Variants in NLRC3 observed in about 807,000 individuals in gnomAD.
The protein encoded by NLRC3 is NLR family CARD domain containing 3.
In NLRC3, 87 loss-of-function variants were observed where a neutral mutation model predicts 91.6. The ratio of observed to expected loss-of-function variants is 0.95; its 90% CI spans 0.80 to 1.14. NLRC3 has a LOEUF of 1.14. NLRC3 is among the 50% of genes most tolerant of loss of function. The probability of loss-of-function intolerance (pLI) is 0.00; values close to 1 mark genes in which losing one functional copy is unlikely to be tolerated. For missense variants in NLRC3, 1,577 were observed against 1,418.6 expected (o/e 1.11, Z -1.79); for synonymous variants, 694 against 625.3 (o/e 1.11, Z -1.64).
At chr16:3,556,127 G>A (rs921459068) in intron 8 of NLRC3, among the ~76,000 whole-genome samples, 24 of 149,374 alleles carry the variant, frequency 1.6e-4, no homozygotes, top group African/African-American at 5.6e-4. Context: ...GCAGGAGCTC[G>A]AGACCAGCCT....
intron 5 of NLRC3, among the ~76,000 whole-genome samples, chr16:3,562,267 C>G (rs1232513889): frequency 6.6e-6 from 1 of 152,184 alleles, no homozygotes; most frequent in Non-Finnish European, 1.5e-5. Context: ...AATGGGGTCA[C>G]TGTGGATGTA....
chr16:3,575,388 G>T (rs1053453479), intron 1 of NLRC3, among the ~76,000 whole-genome samples: 24 of 152,346 alleles, frequency 1.6e-4, no homozygotes, highest in African/African-American at 5.3e-4. Context: ...CGCCACTATG[G>T]ATGGTCAGGC....
chr16:3,571,064 C>T (rs2040081561), intron 1 of NLRC3, among the ~76,000 whole-genome samples: 1 of 151,514 alleles, frequency 6.6e-6, no homozygotes, highest in African/African-American at 2.4e-5. Context: ...ATATAGAGGC[C>T]AGGAACAAAT....
At chr16:3,549,317 G>T in intron 12 of NLRC3, 92 bp from the exon 13 acceptor site, 1 of 908,526 alleles carries the variant, frequency 1.1e-6, no homozygotes, top group Non-Finnish European at 1.8e-6. Flanking sequence ...TGAAGCCCAA[G>T]AAACTGCAGG....
intron 6 of NLRC3, among the ~76,000 whole-genome samples, chr16:3,557,978 C>A (rs1374256558): frequency 6.6e-6 from 1 of 152,210 alleles, no homozygotes; most frequent in African/African-American, 2.4e-5. Context: ...AAATGGAAAT[C>A]TCGGAAGCCT....
intron 2 of NLRC3, among the ~76,000 whole-genome samples, chr16:3,565,929 A>G (rs2039863471): frequency 6.6e-6 from 1 of 151,744 alleles, no homozygotes; most frequent in Non-Finnish European, 1.5e-5. Context: ...AGTCCCAGCT[A>G]CTTGGGAGGC....
chr16:3,542,790 A>C lies in NLRC3; in HGVS notation c.2940-15T>G, dbSNP rs1264640757. On this transcript the variant is annotated splice_polypyrimidine_tract_variant and intron_variant, in intron 17 of 19. Transcript: ENST00000359128. ...TTCCTCTTAAGCTGTTGGGAAAGAC[A>C]GGAAGCCTAAGGCATGGGTACAGGC... 1.9e-6 allele frequency: 3 copies of C among 1,569,712 alleles called. No homozygotes were observed. The highest frequency in any genetic ancestry group is 2.6e-6 in the Non-Finnish European group (3 of 1,147,930).
chr16:3,577,268 C>G lies in NLRC3; in HGVS notation c.-288G>C. On this transcript the variant is annotated 5_prime_UTR_variant, in exon 1 of 20. Transcript: ENST00000359128. Reference sequence around the variant, plus strand: ...GTGGTGGTAGATGCCCTGGGAATCCCTGTGCCAGCCTGAGTTCTCAGGACC... The same window carrying G: ...GTGGTGGTAGATGCCCTGGGAATCCGTGTGCCAGCCTGAGTTCTCAGGACC... 1.4e-6 allele frequency: 1 copy of G among 696,572 alleles called. No individual in the cohort carries two copies. The highest frequency in any genetic ancestry group is 1.5e-5 in the South Asian group (1 of 66,842). 43.1% of individuals were successfully genotyped at this position (696,572 alleles called of 1,614,324 possible).
intron 15 of NLRC3, chr16:3,544,649 C>T (rs1281261356): frequency 3.2e-6 from 1 of 312,000 alleles, no homozygotes; most frequent in African/African-American, 2.1e-5. Flanking sequence ...AACTTAAAGC[C>T]CTCAATCCCT....
chr16:3,557,056 G>T, intron 7 of NLRC3, 62 bp from the exon 8 acceptor site: 1 of 1,168,840 alleles, frequency 8.6e-7, no homozygotes, highest in Non-Finnish European at 1.3e-6. Flanking sequence ...AGGGGAAACA[G>T]AAACTGCATT....
Position 3,562,936 on chromosome 16 carries a change from T to C in NLRC3, c.1928+73A>G, listed in dbSNP as rs748943601. On this transcript the variant is annotated intron_variant, in intron 5 of 19. Transcript: ENST00000359128. The stretch of plus-strand genomic sequence containing the variant: ...CTAGGAGACTGACAGAGAAGCTTGG[T>C]GGTGGGGAGGGGACGGCTTCTGCTC... The C allele has an allele frequency of 6.1e-6, 8 of 1,319,208 alleles. No homozygotes were observed. The South Asian group carries it at 8.8e-5, about 15-fold the overall frequency. 81.7% of individuals were successfully genotyped at this position (1,319,208 alleles called of 1,614,324 possible). A position where few individuals can be genotyped will look rare whatever the true frequency, so the allele number is the denominator to read the frequency against.
intron 1 of NLRC3, 69 bp from the exon 2 acceptor site, chr16:3,567,393 C>A (rs2039924468): frequency 6.6e-6 from 1 of 152,174 alleles, no homozygotes; most frequent in Non-Finnish European, 1.5e-5. Flanking sequence ...GCCCTGCATT[C>A]AAAAATAACA....
At chr16:3,575,424 CAGAG>C (rs1161515446) in intron 1 of NLRC3, among the ~76,000 whole-genome samples, 4 of 151,972 alleles carry the variant, frequency 2.6e-5, no homozygotes, top group Admixed American at 6.6e-5. Flanking sequence ...AGCTGAAAGA[CAGAG>C]AGACTGAGGA....
In NLRC3 at chr16:3,543,488, C is replaced by G. The variant is rs773208737; in HGVS notation, c.2876G>C (p.Gly959Ala). The change falls in exon 17 of 20, where the codon GGT becomes GCT. Residue 959 changes from glycine to alanine, a missense_variant. Coordinates refer to ENST00000359128, the MANE Select transcript of NLRC3 (RefSeq NM_178844.4). The part of the protein sequence containing the change: ...TALYLQVASI[G>A]ASGAQVLGEA... ...CCCTAGCACCTGGGCGCCTGAAGCA[C>G]CAATTGAGGCCACCTGGAGACTGGG... 1 of 1,613,016 alleles carries G rather than the reference C, an allele frequency of 6.2e-7. No individual in the cohort carries two copies. Among genetic ancestry groups the G allele is most frequent in the Non-Finnish European group, 8.5e-7 (1 of 1,179,542 alleles).
rs1481012997 is a variant in NLRC3 at position 3,563,229 on chromosome 16, A to C, written c.1708T>G (p.Cys570Gly). Residue 570 changes from cysteine (C) to glycine (G), a missense_variant, in exon 5 of 20, where the codon TGC becomes GGC. Coordinates refer to ENST00000359128, the MANE Select transcript of NLRC3 (RefSeq NM_178844.4). ...VCARAINVLH[C>G]LHELQHTELA... ...TCGGTGTGCTGCAGCTCATGCAGGCAGTGCAACACGTTGATGGCCCGTGCA... is the reference window on the plus strand; with the variant it reads ...TCGGTGTGCTGCAGCTCATGCAGGCCGTGCAACACGTTGATGGCCCGTGCA... 6.2e-6 allele frequency: 10 copies of C among 1,604,640 alleles called. No homozygotes were observed. The South Asian group carries it at 8.9e-5, about 14-fold the overall frequency.
intron 1 of NLRC3, among the ~76,000 whole-genome samples, chr16:3,575,906 C>T (rs533092840): frequency 6.6e-6 from 1 of 152,310 alleles, no homozygotes; most frequent in African/African-American, 2.4e-5. Flanking sequence ...TGCCCCTGCC[C>T]CCTCCCAGGG....
At chr16:3,550,169 C>T (rs1479793426) in intron 11 of NLRC3, among the ~76,000 whole-genome samples, 1 of 152,196 alleles carries the variant, frequency 6.6e-6, no homozygotes, top group Non-Finnish European at 1.5e-5. Context: ...CCCTCTCCAG[C>T]CACCCATGCT....
intron 3 of NLRC3, 100 bp from the exon 4 acceptor site, chr16:3,565,160 T>G: frequency 1.1e-6 from 1 of 873,590 alleles, no homozygotes; most frequent in East Asian, 2.6e-5. Flanking sequence ...GGATCCCCTC[T>G]TCCTCTTTCC....
chr16:3,557,620 A>G lies in NLRC3; in HGVS notation c.2072T>C (p.Leu691Ser). 1 of 1,613,578 alleles carries G rather than the reference A, an allele frequency of 6.2e-7. No homozygotes were observed. Among genetic ancestry groups the G allele is most frequent in the Non-Finnish European group, 8.5e-7 (1 of 1,179,606 alleles). ...CAGAGAGGTCAGACTTCTGTTGACC[A>G]AGAGGGATCTGGCCAGAGCTTTGGC... ...KGAKALARSL[L>S]VNRSLTSLDL... The change falls in exon 7 of 20, where the codon TTG becomes TCG. Residue 691 changes from leucine (L) to serine (S), a missense_variant. Physicochemically the swap from Leu to Ser is moderately radical, Grantham distance 145. Transcript: ENST00000359128.
Sources: gnomAD v4.1 joint callset for allele counts (sites outside exome capture counted in the v4.1 genomes callset) on GRCh38, gnomAD v4.1.1 for gene constraint, MANE v1.5 for transcripts, NCBI Gene and HGNC (gene_info 2026-07-23, HGNC 2026-07-21) for gene names.